The following CIMAP3 variants were observed in gnomAD, a reference collection of about 807,000 sequenced individuals.
CIMAP3 encodes the protein ciliary microtubule associated protein 3, also known as ciliary microtubule-associated protein 3.
the CIMAP3 span, among the ~76,000 whole-genome samples, chr1:111,338,952 T>G: frequency 2.0e-5 from 3 of 152,192 alleles, no homozygotes; most frequent in African/African-American, 4.8e-5. Flanking sequence ...GCAAAAATCC[T>G]CAATAAAATA....
chr1:111,349,932 A>G, the CIMAP3 span: 22 of 558,032 alleles, frequency 3.9e-5, no homozygotes, highest in South Asian at 7.6e-5. Context: ...TAACGCTAAC[A>G]TCTAACTCGA....
chr1:111,337,022 C>A, the CIMAP3 span, among the ~76,000 whole-genome samples: 4 of 152,112 alleles, frequency 2.6e-5, no homozygotes, highest in South Asian at 6.2e-4. Flanking sequence ...TACAAGCCAG[C>A]AGAGAGTGGG....
At chr1:111,337,512 G>A in the CIMAP3 span, among the ~76,000 whole-genome samples, 1 of 151,870 alleles carries the variant, frequency 6.6e-6, no homozygotes, top group Non-Finnish European at 1.5e-5. Context: ...GATCTACCAA[G>A]CCAATGGAAA....
the CIMAP3 span, among the ~76,000 whole-genome samples, chr1:111,333,946 A>G: frequency 1.3e-5 from 2 of 152,228 alleles, no homozygotes; most frequent in African/African-American, 4.8e-5. Flanking sequence ...TATACAGTCC[A>G]TCGTTGATCA....
At chr1:111,349,904 AT>A in the CIMAP3 span, 2 of 514,988 alleles carry the variant, frequency 3.9e-6, no homozygotes, top group African/African-American at 3.8e-5. Flanking sequence ...GGATGTCAAG[AT>A]TGTCAAGTTA....
At chr1:111,338,409 G>T in the CIMAP3 span, among the ~76,000 whole-genome samples, 1 of 151,802 alleles carries the variant, frequency 6.6e-6, no homozygotes, top group South Asian at 2.1e-4. Flanking sequence ...GAATCCAGGA[G>T]CTGGTTTTTT....
At chr1:111,332,078 G>A in the CIMAP3 span, among the ~76,000 whole-genome samples, 2 of 152,302 alleles carry the variant, frequency 1.3e-5, no homozygotes, top group Non-Finnish European at 2.9e-5. Context: ...CAGGTCAGGG[G>A]CATGTGTGTG....
the CIMAP3 span, among the ~76,000 whole-genome samples, chr1:111,327,013 G>A: frequency 5.9e-5 from 9 of 151,828 alleles, no homozygotes; most frequent in East Asian, 7.7e-4. Context: ...TGAATACTTC[G>A]CAAATATTTT....
the CIMAP3 span, among the ~76,000 whole-genome samples, chr1:111,341,324 A>C: frequency 1.3e-5 from 2 of 152,034 alleles, no homozygotes; most frequent in African/African-American, 4.8e-5. Context: ...TAACCTGCAC[A>C]TTGTGCACAT....
the CIMAP3 span, chr1:111,349,410 CT>C: frequency 1.3e-5 from 2 of 152,334 alleles, no homozygotes; most frequent in Admixed American, 6.5e-5. Flanking sequence ...GCACATAGGC[CT>C]TGCAGGCCAA....
At chr1:111,341,982 G>C in the CIMAP3 span, among the ~76,000 whole-genome samples, 5 of 152,026 alleles carry the variant, frequency 3.3e-5, no homozygotes, top group Non-Finnish European at 7.4e-5. Context: ...AGGGAGTCGA[G>C]CATGAGCATG....
chr1:111,347,632 T>G, the CIMAP3 span: 1 of 1,199,734 alleles, frequency 8.3e-7, no homozygotes, highest in Non-Finnish European at 1.2e-6. Flanking sequence ...CTTTTTTTTT[T>G]TTTTTGGTGT....
chr1:111,342,872 C>A, the CIMAP3 span, among the ~76,000 whole-genome samples: 1 of 152,022 alleles, frequency 6.6e-6, no homozygotes, highest in Non-Finnish European at 1.5e-5. Flanking sequence ...ATTCTCTTAC[C>A]GTCTGCTTGG....
At chr1:111,339,896 A>T in the CIMAP3 span, among the ~76,000 whole-genome samples, 1 of 151,806 alleles carries the variant, frequency 6.6e-6, no homozygotes, top group Non-Finnish European at 1.5e-5. Context: ...CCGCATCGCC[A>T]AGTCAATCCT....
chr1:111,348,216 C>T, the CIMAP3 span: 4 of 254,580 alleles, frequency 1.6e-5, no homozygotes, highest in African/African-American at 8.9e-5. Flanking sequence ...AGCAGAGATA[C>T]TATCTCTAAA....
chr1:111,335,161 A>G, the CIMAP3 span, among the ~76,000 whole-genome samples: 1 of 128,292 alleles, frequency 7.8e-6, no homozygotes, highest in Admixed American at 7.8e-5. Flanking sequence ...AAAGACAGAA[A>G]AAAAAAGAAA....
chr1:111,333,183 T>G, the CIMAP3 span, among the ~76,000 whole-genome samples: 87 of 152,156 alleles, frequency 5.7e-4, no homozygotes, highest in Non-Finnish European at 1.2e-3. Flanking sequence ...GATGGAAATT[T>G]CAGGCTATTC....
At chr1:111,346,766 C>T in the CIMAP3 span, 1 of 1,557,530 alleles carries the variant, frequency 6.4e-7, no homozygotes, top group Non-Finnish European at 8.8e-7. Context: ...TGCAGTTCGC[C>T]CCCCTCCAGG....
At chr1:111,344,697 G>A in the CIMAP3 span, among the ~76,000 whole-genome samples, 4 of 152,116 alleles carry the variant, frequency 2.6e-5, no homozygotes, top group African/African-American at 9.7e-5. Context: ...TACATTTCAT[G>A]TCACAAATAA....
Sources: gnomAD v4.1 joint callset for allele counts (sites outside exome capture counted in the v4.1 genomes callset) on GRCh38, gnomAD v4.1.1 for gene constraint, MANE v1.5 for transcripts, NCBI Gene and HGNC (gene_info 2026-07-23, HGNC 2026-07-21) for gene names.